The following RNF145 variants were observed in gnomAD, a reference collection of about 807,000 sequenced individuals.
RNF145 encodes the protein ring finger protein 145.
RNF145 carries 12 observed loss-of-function variants against 57.3 expected under a neutral mutation model. The observed-to-expected ratio is 0.21, with a 90% CI of 0.13 to 0.34. The LOEUF (loss-of-function observed/expected upper bound fraction) is 0.34, where lower values mean the gene tolerates loss of function less well. Among genes scored for constraint, RNF145 ranks in the 10% least tolerant of loss-of-function variants. The pLI, the probability that RNF145 is intolerant of heterozygous loss-of-function variation, is 1.00. For missense variants in RNF145, 429 were observed against 799.0 expected, an observed-to-expected ratio of 0.54 and a Z score of 5.58; for synonymous variants, 262 against 288.3, an observed-to-expected ratio of 0.91 and a Z score of 0.92.
chr5:159,206,387 T>C (rs1473156795), intron 1 of RNF145, among the ~76,000 whole-genome samples: 1 of 152,190 alleles, frequency 6.6e-6, no homozygotes, highest in Non-Finnish European at 1.5e-5. Context: ...TTCAAAACCT[T>C]ATCACTTTGA....
chr5:159,207,263 C>G (rs1278147076), intron 1 of RNF145, among the ~76,000 whole-genome samples: 1 of 152,100 alleles, frequency 6.6e-6, no homozygotes, highest in Admixed American at 6.5e-5. Context: ...TTTACAGTCA[C>G]AGCTAATCTC....
intron 6 of RNF145, among the ~76,000 whole-genome samples, chr5:159,170,688 G>A (rs936139798): frequency 2.0e-5 from 3 of 152,130 alleles, no homozygotes; most frequent in Non-Finnish European, 2.9e-5. Flanking sequence ...TTGAACTTCA[G>A]GGCAAAAGCA....
intron 3 of RNF145, among the ~76,000 whole-genome samples, chr5:159,186,733 G>A (rs1027114016): frequency 1.3e-5 from 2 of 151,848 alleles, no homozygotes; most frequent in East Asian, 1.9e-4. Flanking sequence ...TTTCTTTCTG[G>A]CCTCCTAGAT....
At chr5:159,171,525 G>A (rs774901356) in intron 6 of RNF145, among the ~76,000 whole-genome samples, 7 of 151,810 alleles carry the variant, frequency 4.6e-5, no homozygotes, top group East Asian at 1.9e-4. Flanking sequence ...CAAAGATTTC[G>A]ACCTAGCTTT....
At chr5:159,183,427 C>CA (rs1369698449) in intron 3 of RNF145, among the ~76,000 whole-genome samples, 1 of 152,036 alleles carries the variant, frequency 6.6e-6, no homozygotes, top group East Asian at 1.9e-4. Flanking sequence ...GCCCCTAGAA[C>CA]AAAAAATCAT....
At chr5:159,176,013 A>T (rs1320216110) in intron 5 of RNF145, among the ~76,000 whole-genome samples, 1 of 152,184 alleles carries the variant, frequency 6.6e-6, no homozygotes, top group Non-Finnish European at 1.5e-5. Context: ...AAGGCTGAAA[A>T]AAGTAGGGAA....
intron 6 of RNF145, among the ~76,000 whole-genome samples, chr5:159,171,171 T>C (rs1405865126): frequency 6.6e-6 from 1 of 152,196 alleles, no homozygotes; most frequent in Non-Finnish European, 1.5e-5. Context: ...AAAAAAATAA[T>C]TAATTTTATG....
At chr5:159,199,507 G>A (rs1785589647) in intron 2 of RNF145, among the ~76,000 whole-genome samples, 1 of 152,048 alleles carries the variant, frequency 6.6e-6, no homozygotes, top group Admixed American at 6.6e-5. Context: ...AGTCACTAAT[G>A]ATTTTAGTGA....
At chr5:159,163,170 CA>C in intron 8 of RNF145, 91 bp from the exon 9 acceptor site, 1 of 1,166,974 alleles carries the variant, frequency 8.6e-7, no homozygotes, top group South Asian at 1.5e-5. Context: ...GTGCCATGAT[CA>C]AATTTCACAA....
chr5:159,174,035 T>C lies in RNF145; in HGVS notation c.745A>G (p.Thr249Ala), dbSNP rs776430694. 9.9e-6 allele frequency: 16 copies of C among 1,613,406 alleles called. No homozygotes were observed. The highest frequency in any genetic ancestry group is 1.4e-5 in the Non-Finnish European group (16 of 1,179,644). ...FALQIYSYFS[T>A]RDQPASRERL... ...TCACGTGATGCAGGCTGATCTCGAG[T>C]ACTGAAATAGGAGTAAATCTGAAGA... The change falls in exon 6 of 11, where the codon ACT becomes GCT. Residue 249 changes from threonine to alanine, a missense_variant. This residue lies in a region of RNF145 where 216 missense variants were observed against 457.6 expected (regional missense o/e 0.47). Coordinates refer to ENST00000424310, the MANE Select transcript of RNF145 (RefSeq NM_001199383.2).
At chr5:159,202,532 A>G (rs1785705545) in intron 2 of RNF145, among the ~76,000 whole-genome samples, 1 of 152,112 alleles carries the variant, frequency 6.6e-6, no homozygotes, top group African/African-American at 2.4e-5. Context: ...TTAGGGATGT[A>G]AGGGGAACGT....
Position 159,203,585 on chromosome 5 carries a change from T to A in RNF145, c.33A>T (p.Leu11Phe). The change falls in exon 2 of 11, where the codon TTA (leucine) becomes TTT (phenylalanine). Residue 11 changes from leucine (L) to phenylalanine (F), a missense_variant. Coordinates refer to ENST00000424310, the MANE Select transcript of RNF145 (RefSeq NM_001199383.2). MAAKEKLEAV[L>F]NVALRVPSIM... Reference sequence around the variant, plus strand: ...TGCTTGGCACCCTCAGGGCCACATTTAACACTGCCTCCAGTTTCTCCTTTG... The same window carrying A: ...TGCTTGGCACCCTCAGGGCCACATTAAACACTGCCTCCAGTTTCTCCTTTG... 1 of 1,613,972 alleles carries A rather than the reference T, an allele frequency of 6.2e-7. No individual in the cohort carries two copies.
At chr5:159,209,609 GCGCGCCCCTCCCGCGCGCGCC>G (rs1197732438), upstream of RNF145, 2 of 1,066,154 alleles carry the variant, frequency 1.9e-6, no homozygotes, top group Admixed American at 5.1e-5. Flanking sequence ...AGCCAGCGCG[GCGCGCCCCTCCCGCGCGCGCC>G]CGCGCTCACT....
At chr5:159,207,181 T>C (rs763051316) in intron 1 of RNF145, among the ~76,000 whole-genome samples, 1 of 152,168 alleles carries the variant, frequency 6.6e-6, no homozygotes, top group South Asian at 2.1e-4. Context: ...TACACTTTCC[T>C]GAAAATACGG....
In RNF145 at chr5:159,161,378, C is replaced by T; in HGVS notation, c.1514G>A (p.Gly505Glu). 1.2e-6 allele frequency: 2 copies of T among 1,614,118 alleles called. No individual in the cohort carries two copies. The highest frequency in any genetic ancestry group is 1.7e-6 in the Non-Finnish European group (2 of 1,180,016). The change falls in exon 10 of 11, where the codon GGG becomes GAG. Residue 505 changes from glycine (G) to glutamate (E), a missense_variant. By Grantham distance (98) the Gly-to-Glu change is moderately conservative. Transcript: ENST00000424310. ...CCTGCGGAGAAGAAAGCTCTTCCAC[C>T]CCAGCTGGGCCCGAAGCCACACGTT... ...YYNVWLRAQL[G>E]WKSFLLRRDA...
chr5:159,171,217 A>C (rs1784544253), intron 6 of RNF145, among the ~76,000 whole-genome samples: 1 of 152,210 alleles, frequency 6.6e-6, no homozygotes, highest in African/African-American at 2.4e-5. Context: ...AATGTTTGGC[A>C]TTTTCACACT....
chr5:159,204,786 T>C (rs1419338254), intron 1 of RNF145, among the ~76,000 whole-genome samples: 3 of 117,654 alleles, frequency 2.5e-5, no homozygotes, highest in East Asian at 2.3e-4. Context: ...CCTAGGCAAC[T>C]GAGCTAGACT....
chr5:159,181,838 A>G (rs1452018711), intron 4 of RNF145, 122 bp downstream of exon 4: 4 of 615,400 alleles, frequency 6.5e-6, no homozygotes, highest in Admixed American at 2.7e-5. Flanking sequence ...TATATGTGGG[A>G]AAAGTCCCCA....
rs141518667 is a variant in RNF145 at position 159,173,577 on chromosome 5, G to C, written c.797+406C>G. Among the ~76,000 whole-genome samples, 431 of 152,190 alleles carry C rather than the reference G, an allele frequency of 2.8e-3. 3 individuals are homozygous for C. Among genetic ancestry groups the C allele is most frequent in the African/African-American group, 9.8e-3 (405 of 41,504 alleles). The stretch of plus-strand genomic sequence containing the variant: ...CTATAAAATGGTAATTATAATAAAG[G>C]CACCTATCTCTTAGGGTCGTTGTAA... On this transcript the variant is annotated intron_variant, in intron 6 of 10. Transcript: ENST00000424310.
Sources: gnomAD v4.1 joint callset for allele counts (sites outside exome capture counted in the v4.1 genomes callset) on GRCh38, gnomAD v4.1.1 for gene constraint, gnomAD v4.1.1 regional missense constraint, MANE v1.5 for transcripts, NCBI Gene and HGNC (gene_info 2026-07-23, HGNC 2026-07-21) for gene names.